Variants in SPDYA observed in about 807,000 individuals in gnomAD.
The protein encoded by SPDYA is speedy/RINGO cell cycle regulator family member A.
Under a neutral mutation model 36.7 loss-of-function variants are expected in SPDYA, and 11 were observed. That is an observed-to-expected ratio of 0.30 (90% CI 0.19 to 0.50). The LOEUF is 0.50. Among genes scored for constraint, SPDYA ranks in the 20% least tolerant of loss-of-function variants. The pLI is 0.98. For synonymous variants in SPDYA, 115 were observed against 118.7 expected (o/e 0.97, Z 0.20); for missense variants, 287 against 370.9 (o/e 0.77, Z 1.86).
At chr2:28,812,505 C>T (rs1667871865) in intron 1 of SPDYA, among the ~76,000 whole-genome samples, 1 of 151,824 alleles carries the variant, frequency 6.6e-6, no homozygotes. Flanking sequence ...CCCAAACATC[C>T]TATTCAAGTA....
intron 4 of SPDYA, among the ~76,000 whole-genome samples, chr2:28,820,186 G>T (rs531007931): frequency 5.1e-4 from 77 of 152,162 alleles, no homozygotes; most frequent in Middle Eastern, 3.4e-3. Flanking sequence ...TCAGTAATTT[G>T]TAGGGTAAAA....
Position 28,828,731 on chromosome 2 carries a change from G to A in SPDYA, c.381-417G>A, listed in dbSNP as rs1198328338. On this transcript the variant is annotated intron_variant, in intron 5 of 7. Coordinates refer to ENST00000334056, the MANE Select transcript of SPDYA (RefSeq NM_182756.4). ...GGAATACTGCCTAACATTCACATAC[G>A]GCTGCAAATAGTGGCTGTTCCCACC... Among the ~76,000 whole-genome samples the A allele has an allele frequency of 2.0e-5, 3 of 152,142 alleles. 1 individual carries two copies. Among genetic ancestry groups the A allele is most frequent in the South Asian group, 4.1e-4 (2 of 4,822 alleles).
intron 3 of SPDYA, among the ~76,000 whole-genome samples, chr2:28,817,078 A>C (rs1000637300): frequency 6.6e-6 from 1 of 152,214 alleles, no homozygotes; most frequent in East Asian, 1.9e-4. Context: ...AACAGGAAAA[A>C]ATGTAAGGAA....
chr2:28,812,073 C>T (rs1401742808), intron 1 of SPDYA, among the ~76,000 whole-genome samples: 4 of 152,220 alleles, frequency 2.6e-5, no homozygotes, highest in Admixed American at 6.5e-5. Context: ...GTTCTGCATT[C>T]AAATTCTAGC....
Position 28,829,233 on chromosome 2 carries a change from T to C in SPDYA, c.466T>C (p.Leu156=), listed in dbSNP as rs769995598. The change falls in exon 6 of 8, where the codon TTG becomes CTG. Residue 156 remains leucine, a synonymous_variant. Coordinates refer to ENST00000334056, the MANE Select transcript of SPDYA (RefSeq NM_182756.4). ...GGCTTTAGGGAAAAACTGGAGAAAA[T>C]TGTTCCCTAATTTCTTAAAGTTAAG... is the stretch of plus-strand genomic sequence containing the variant. ...PWALGKNWRK[L]FPNFLKLRDQ... is the part of the protein sequence containing the mutation. The C allele has an allele frequency of 6.8e-6, 11 of 1,613,888 alleles. No homozygotes were observed. The highest frequency in any genetic ancestry group is 3.3e-5 in the Admixed American group (2 of 59,968).
intron 3 of SPDYA, among the ~76,000 whole-genome samples, chr2:28,818,388 G>A (rs930361969): frequency 2.0e-5 from 3 of 147,764 alleles, no homozygotes; most frequent in African/African-American, 7.5e-5. Flanking sequence ...AGGATCACTT[G>A]AGCCCAGAAG....
intron 2 of SPDYA, among the ~76,000 whole-genome samples, chr2:28,815,795 C>T (rs752129534): frequency 6.6e-5 from 10 of 152,232 alleles, no homozygotes; most frequent in East Asian, 1.9e-4. Context: ...AGAGGATGTC[C>T]GTTTGTTACC....
chr2:28,830,923 G>A (rs911389251), intron 6 of SPDYA, among the ~76,000 whole-genome samples: 2 of 152,146 alleles, frequency 1.3e-5, no homozygotes, highest in Non-Finnish European at 2.9e-5. Flanking sequence ...GTAAGCTCTA[G>A]TATTAGTTAA....
At chr2:28,812,746 A>G (rs1345184434) in intron 1 of SPDYA, among the ~76,000 whole-genome samples, 1 of 150,256 alleles carries the variant, frequency 6.7e-6, no homozygotes. Context: ...AATCCCAACT[A>G]CTCAGGAGGC....
chr2:28,850,229 C>T lies in SPDYA; in HGVS notation c.*288C>T, dbSNP rs774178695. 4 of 1,611,878 alleles carry T rather than the reference C, an allele frequency of 2.5e-6. No homozygotes were observed. Among genetic ancestry groups the T allele is most frequent in the Non-Finnish European group, 3.4e-6 (4 of 1,179,100 alleles). ...TAAGTTGTGGTTTGACCTTCCTCAA[C>T]TTGACAAGAAAAGCTAATTTAAGAG... On this transcript the variant is annotated 3_prime_UTR_variant, in exon 8 of 8. Coordinates refer to ENST00000334056, the MANE Select transcript of SPDYA (RefSeq NM_182756.4).
intron 4 of SPDYA, 123 bp from the exon 5 acceptor site, chr2:28,822,202 A>G (rs1051287856): frequency 1.8e-5 from 8 of 453,072 alleles, no homozygotes; most frequent in Admixed American, 4.1e-5. Flanking sequence ...ACACAATTCT[A>G]TAATAAGTAA....
intron 6 of SPDYA, among the ~76,000 whole-genome samples, chr2:28,838,178 A>ATT (rs61135451): frequency 1.2e-4 from 14 of 115,554 alleles, no homozygotes; most frequent in African/African-American, 3.0e-4. Context: ...GAAGTAACGG[A>ATT]TTTTTTTTTT....
chr2:28,838,605 A>T (rs910347285), intron 6 of SPDYA, among the ~76,000 whole-genome samples: 1 of 152,226 alleles, frequency 6.6e-6, no homozygotes, highest in Non-Finnish European at 1.5e-5. Flanking sequence ...AGACATATTT[A>T]AAAATAACCA....
intron 5 of SPDYA, among the ~76,000 whole-genome samples, chr2:28,823,344 C>T (rs1196890174): frequency 6.6e-6 from 1 of 152,020 alleles, no homozygotes; most frequent in Non-Finnish European, 1.5e-5. Context: ...TGTTTCTGGC[C>T]AGGCACGGTG....
intron 5 of SPDYA, 48 bp downstream of exon 5, chr2:28,822,458 A>G: frequency 1.1e-6 from 1 of 902,896 alleles, no homozygotes. Flanking sequence ...TATTATATAC[A>G]TTACACCTTA....
chr2:28,831,574 CTTTG>C (rs1668480222), intron 6 of SPDYA, among the ~76,000 whole-genome samples: 2 of 152,268 alleles, frequency 1.3e-5, no homozygotes, highest in African/African-American at 4.8e-5. Flanking sequence ...TATCACAATA[CTTTG>C]TTTCCTTCTG....
Position 28,840,475 on chromosome 2 carries a change from A to G in SPDYA, c.850+6A>G, listed in dbSNP as rs138431224. The G allele has an allele frequency of 6.1e-4, 991 of 1,612,456 alleles. 10 individuals are homozygous for G. In the African/African-American group the frequency reaches 0.012, roughly 20 times the overall value. ...AGCTTATACTGGTTCTGAAGGTATG[A>G]TTTAGTAATATGCCAGAATTAGATT... On this transcript the variant is annotated splice_donor_region_variant and intron_variant, in intron 7 of 7. Transcript: ENST00000334056.
chr2:28,815,768 T>C (rs1667969160), intron 2 of SPDYA, among the ~76,000 whole-genome samples: 1 of 152,216 alleles, frequency 6.6e-6, no homozygotes. Flanking sequence ...TGGCATACAG[T>C]ATCTTCTTAT....
chr2:28,817,111 G>A (rs1668003224), intron 3 of SPDYA, among the ~76,000 whole-genome samples: 1 of 152,148 alleles, frequency 6.6e-6, no homozygotes, highest in Non-Finnish European at 1.5e-5. Flanking sequence ...AAGATATAAA[G>A]ATGCTTCCCC....
Sources: allele counts gnomAD v4.1 joint callset (sites outside exome capture counted in the v4.1 genomes callset), GRCh38; gene constraint gnomAD v4.1.1; transcripts MANE v1.5; gene names NCBI Gene and HGNC (gene_info 2026-07-23, HGNC 2026-07-21).